PCDHA9: variants seen among roughly 807,000 people sequenced by gnomAD.
PCDHA9 encodes the protein protocadherin alpha-9.
A neutral mutation model predicts 62.0 loss-of-function variants in PCDHA9; 62 were observed. That is an observed-to-expected ratio of 1.00 (90% CI 0.81 to 1.23). The LOEUF (loss-of-function observed/expected upper bound fraction) is 1.23, where lower values mean the gene tolerates loss of function less well. PCDHA9 is among the 50% of genes most tolerant of loss of function. The pLI is 0.00. For missense variants in PCDHA9, 1,205 were observed against 1,249.8 expected, an observed-to-expected ratio of 0.96 and a Z score of 0.54; for synonymous variants, 557 against 567.6, an observed-to-expected ratio of 0.98 and a Z score of 0.27.
intron 3 of PCDHA9, among the ~76,000 whole-genome samples, chr5:140,995,481 T>C (rs190039428): frequency 5.9e-5 from 9 of 152,308 alleles, no homozygotes; most frequent in Admixed American, 5.9e-4. Context: ...CATTTAATAT[T>C]TTCAGACTAA....
chr5:140,926,592 C>A, intron 1 of PCDHA9: 1 of 298,858 alleles, frequency 3.3e-6, no homozygotes, highest in Non-Finnish European at 6.1e-6. Context: ...CGCGCCCGGG[C>A]GGGCGGCCTC....
At chr5:140,857,887 G>A (rs2044983684) in intron 1 of PCDHA9, 6 of 1,597,818 alleles carry the variant, frequency 3.8e-6, no homozygotes, top group Middle Eastern at 1.7e-4. Flanking sequence ...TGCAGTCGGC[G>A]GCGGTTGGTG....
rs150829264 is a variant in PCDHA9 at position 140,948,791 on chromosome 5, A to G, written c.2395-30158A>G. 2.3e-3 allele frequency among the ~76,000 whole-genome samples: 342 copies of G among 151,342 alleles called. 1 individual carries two copies. Among genetic ancestry groups the G allele is most frequent in the Non-Finnish European group, 4.4e-3 (295 of 67,454 alleles). ...ATAGCCAGCTTTTGGCTTTGTTGAT[A>G]TATTTTCTATTGTTTGGTTTCTATT... On this transcript the variant is annotated intron_variant, in intron 1 of 3. Coordinates refer to ENST00000532602, the MANE Select transcript of PCDHA9 (RefSeq NM_031857.2).
intron 1 of PCDHA9, among the ~76,000 whole-genome samples, chr5:140,909,701 T>A (rs1038404823): frequency 4.6e-4 from 70 of 152,334 alleles, no homozygotes; most frequent in African/African-American, 1.6e-3. Flanking sequence ...TTCTGCTAGC[T>A]GCTAAGTATA....
chr5:140,851,247 G>A (rs1554145321), intron 1 of PCDHA9: 3 of 1,093,404 alleles, frequency 2.7e-6, no homozygotes. Flanking sequence ...GCTAAATGAT[G>A]CATAGTATTT....
chr5:140,871,873 A>G (rs529401892), intron 1 of PCDHA9, among the ~76,000 whole-genome samples: 44 of 152,336 alleles, frequency 2.9e-4, no homozygotes, highest in African/African-American at 1.0e-3. Flanking sequence ...GATTATTTAA[A>G]TTTGCTCCTC....
At position 140,877,565 on chromosome 5, in the gene PCDHA9, T is replaced by C; in HGVS notation, c.2394+26676T>C. On this transcript the variant is annotated intron_variant, in intron 1 of 3. Coordinates refer to ENST00000532602, the MANE Select transcript of PCDHA9 (RefSeq NM_031857.2). ...GAAGCGGCTCTGGTGGATATTAACG[T>C]GTACCTCATCATCGCCATCTGTGCG... 1 of 1,613,742 alleles carries C rather than the reference T, an allele frequency of 6.2e-7. No homozygotes were observed. The highest frequency in any genetic ancestry group is 1.7e-5 in the Admixed American group (1 of 60,024).
chr5:140,871,354 C>A, intron 1 of PCDHA9: 1 of 1,614,210 alleles, frequency 6.2e-7, no homozygotes, highest in Non-Finnish European at 8.5e-7. Flanking sequence ...GTCATACTCG[C>A]AGCAGAGGCG....
At chr5:140,876,760 G>A (rs2056562687) in intron 1 of PCDHA9, 4 of 1,614,234 alleles carry the variant, frequency 2.5e-6, no homozygotes, top group South Asian at 2.2e-5. Flanking sequence ...TGCGCGGGAT[G>A]GGGGCTCGCC....
At chr5:140,985,459 C>A (rs1587084925) in intron 3 of PCDHA9, among the ~76,000 whole-genome samples, 1 of 152,236 alleles carries the variant, frequency 6.6e-6, no homozygotes, top group East Asian at 1.9e-4. Flanking sequence ...GGGAAATGCT[C>A]CAAAAAATTT....
At chr5:140,860,734 GTTTTTTA>G (rs1404225189) in intron 1 of PCDHA9, 2 of 152,108 alleles carry the variant, frequency 1.3e-5, no homozygotes, top group Non-Finnish European at 2.9e-5. Context: ...TGGTTTTTTT[GTTTTTTA>G]TTTTTTATTT....
At chr5:140,870,438 C>A in intron 1 of PCDHA9, 1 of 1,614,178 alleles carries the variant, frequency 6.2e-7, no homozygotes, top group Non-Finnish European at 8.5e-7. Context: ...TGGAGGTGGC[C>A]GACGTGAACG....
chr5:140,961,887 GTTT>G (rs35680913), intron 1 of PCDHA9, among the ~76,000 whole-genome samples: 1 of 143,934 alleles, frequency 6.9e-6, no homozygotes. Context: ...ACTTACATCA[GTTT>G]TTTTTTTTTT....
chr5:140,875,688 G>A (rs1554167865), intron 1 of PCDHA9: 7 of 1,614,004 alleles, frequency 4.3e-6, no homozygotes, highest in Non-Finnish European at 4.2e-6. Context: ...AAAGACACGG[G>A]GACCTTCTGG....
intron 1 of PCDHA9, chr5:140,967,005 A>G: frequency 1.2e-6 from 2 of 1,605,512 alleles, no homozygotes; most frequent in African/African-American, 1.3e-5. Flanking sequence ...TTGCGCATCA[A>G]CCATCTGGGT....
chr5:140,969,672 A>C (rs1251717537), intron 1 of PCDHA9, among the ~76,000 whole-genome samples: 2 of 152,198 alleles, frequency 1.3e-5, no homozygotes, highest in African/African-American at 4.8e-5. Context: ...TAATGTTATG[A>C]GACTCAAGGA....
chr5:140,900,644 C>G (rs1554189317), intron 1 of PCDHA9, among the ~76,000 whole-genome samples: 1 of 152,180 alleles, frequency 6.6e-6, no homozygotes. Context: ...ATTGTGAACA[C>G]TGCTGCAATG....
At chr5:140,924,881 C>T (rs1177812297) in intron 1 of PCDHA9, among the ~76,000 whole-genome samples, 20 of 141,170 alleles carry the variant, frequency 1.4e-4, no homozygotes, top group African/African-American at 5.5e-4. Flanking sequence ...GGTGACAGAG[C>T]AAGAACCTGT....
rs567902726 is a variant in PCDHA9 at position 140,936,017 on chromosome 5, C to T, written c.2395-42932C>T. Among the ~76,000 whole-genome samples, 12 of 151,854 alleles carry T rather than the reference C, an allele frequency of 7.9e-5. No individual in the cohort carries two copies. The South Asian group carries it at 1.7e-3, about 21-fold the overall frequency. ...AAGCGATTCTCCCACCTCAGCCTCCCGAGTAGCGGGGATTACAGGCACCCA... is the reference window on the plus strand; with the variant it reads ...AAGCGATTCTCCCACCTCAGCCTCCTGAGTAGCGGGGATTACAGGCACCCA... On this transcript the variant is annotated intron_variant, in intron 1 of 3. Coordinates refer to ENST00000532602, the MANE Select transcript of PCDHA9 (RefSeq NM_031857.2).
Sources: allele counts gnomAD v4.1 joint callset (sites outside exome capture counted in the v4.1 genomes callset), GRCh38; gene constraint gnomAD v4.1.1; transcripts MANE v1.5; gene names NCBI Gene and HGNC (gene_info 2026-07-23, HGNC 2026-07-21).